Variants in EBF1 observed in about 807,000 individuals in gnomAD.
EBF1 encodes the protein transcription factor COE1.
Under a neutral mutation model 68.4 loss-of-function variants are expected in EBF1, and 10 were observed. That is an observed-to-expected ratio of 0.15 (90% CI 0.09 to 0.25). The LOEUF (loss-of-function observed/expected upper bound fraction) is 0.25, where lower values mean the gene tolerates loss of function less well. Among genes scored for constraint, EBF1 ranks in the 10% least tolerant of loss-of-function variants. The probability of loss-of-function intolerance (pLI) is 1.00; values close to 1 mark genes in which losing one functional copy is unlikely to be tolerated. For missense variants in EBF1, 509 were observed against 794.4 expected, an observed-to-expected ratio of 0.64 and a Z score of 4.32; for synonymous variants, 298 against 299.8, an observed-to-expected ratio of 0.99 and a Z score of 0.06.
In EBF1 at chr5:159,067,152, T is replaced by A. The variant is rs184985165; in HGVS notation, c.554+6244A>T. On this transcript the variant is annotated intron_variant, in intron 6 of 15. Transcript: ENST00000313708. ...ATGGAGAGTTACACTTGGAGAGAGT[T>A]TTTCCCCCCATTCTAAGCAACTTCT... Among the ~76,000 whole-genome samples, 15 of 152,012 alleles carry A rather than the reference T, an allele frequency of 9.9e-5. No individual in the cohort carries two copies. The East Asian group carries it at 2.7e-3, about 27-fold the overall frequency.
At chr5:158,943,839 C>T (rs1247066963) in intron 6 of EBF1, among the ~76,000 whole-genome samples, 1 of 152,192 alleles carries the variant, frequency 6.6e-6, no homozygotes, top group Non-Finnish European at 1.5e-5. Context: ...TTGGGTCAAT[C>T]AAGTGACTTA....
At position 159,097,972 on chromosome 5, in the gene EBF1, G is replaced by A. The variant is rs571686710; in HGVS notation, c.135-842C>T. ...AGAAGAACACACACGAGCGCCCCGC[G>A]CACACACTTTCACTTCCAGCCCAGT... is the stretch of plus-strand genomic sequence containing the variant. On this transcript the variant is annotated intron_variant, in intron 1 of 15. Coordinates refer to ENST00000313708, the MANE Select transcript of EBF1 (RefSeq NM_024007.5). 2.6e-5 allele frequency among the ~76,000 whole-genome samples: 4 copies of A among 152,286 alleles called. No individual in the cohort carries two copies. In the South Asian group the frequency reaches 8.3e-4, roughly 32 times the overall value.
intron 6 of EBF1, among the ~76,000 whole-genome samples, chr5:159,042,782 T>G (rs146062028): frequency 1.4e-4 from 21 of 152,230 alleles, no homozygotes; most frequent in African/African-American, 4.3e-4. Flanking sequence ...TGTTAAGTTC[T>G]GTAGAGTGTT....
intron 7 of EBF1, among the ~76,000 whole-genome samples, chr5:158,828,826 T>C (rs182217688): frequency 6.6e-6 from 1 of 152,122 alleles, no homozygotes; most frequent in Non-Finnish European, 1.5e-5. Context: ...AAACTGGTAA[T>C]CCATATAATA....
chr5:158,801,056 G>A (rs578035270), intron 8 of EBF1, among the ~76,000 whole-genome samples: 1 of 152,200 alleles, frequency 6.6e-6, no homozygotes, highest in South Asian at 2.1e-4. Context: ...GTTAGGGGGT[G>A]GGGTTTGCCT....
chr5:158,697,043 A>AAAGAC lies in EBF1; in HGVS notation c.*2063_*2067dup, dbSNP rs1267350956. The AAAGAC allele has an allele frequency of 1.1e-5, 2 of 188,932 alleles. No homozygotes were observed. Among genetic ancestry groups the AAAGAC allele is most frequent in the African/African-American group, 2.3e-5 (1 of 42,826 alleles). 11.7% of individuals were successfully genotyped at this position (188,932 alleles called of 1,614,324 possible). ...CAATCTGCTGGTTTATATTTATGTG[A>AAAGAC]AAGACAGAGGAAATATACAAGCAGA... On this transcript the variant is annotated 3_prime_UTR_variant, in exon 16 of 16. Transcript: ENST00000313708.
Position 158,707,961 on chromosome 5 carries a change from G to T in EBF1, c.1744+18C>A. On this transcript the variant is annotated intron_variant, in intron 15 of 15. Coordinates refer to ENST00000313708, the MANE Select transcript of EBF1 (RefSeq NM_024007.5). Reference sequence around the variant, plus strand: ...CAGGGCATTGAATCTGGATTGGCAGGTGGGGCCTGGGGCTTACCTTGCAGG... The same window carrying T: ...CAGGGCATTGAATCTGGATTGGCAGTTGGGGCCTGGGGCTTACCTTGCAGG... 1 of 1,545,158 alleles carries T rather than the reference G, an allele frequency of 6.5e-7. No homozygotes were observed. The highest frequency in any genetic ancestry group is 2.4e-5 in the East Asian group (1 of 40,890).
chr5:158,901,148 G>A (rs1346392046), intron 6 of EBF1, among the ~76,000 whole-genome samples: 4 of 152,188 alleles, frequency 2.6e-5, no homozygotes, highest in Non-Finnish European at 4.4e-5. Flanking sequence ...CCACATGGAT[G>A]TTATTCTTGC....
intron 11 of EBF1, among the ~76,000 whole-genome samples, chr5:158,725,135 G>A (rs1221391731): frequency 6.6e-6 from 1 of 152,174 alleles, no homozygotes; most frequent in Non-Finnish European, 1.5e-5. Context: ...AGAAGCTACC[G>A]TGAGGATTTG....
intron 6 of EBF1, among the ~76,000 whole-genome samples, chr5:158,970,392 G>A (rs1414129565): frequency 6.6e-6 from 1 of 151,984 alleles, no homozygotes; most frequent in African/African-American, 2.4e-5. Context: ...AGTCACCTGG[G>A]GAAATCATGT....
At chr5:158,727,278 C>T (rs1450260047) in intron 11 of EBF1, among the ~76,000 whole-genome samples, 6 of 152,216 alleles carry the variant, frequency 3.9e-5, no homozygotes, top group African/African-American at 1.2e-4. Context: ...CTCTCACTCA[C>T]TGCCTTAGGG....
intron 6 of EBF1, among the ~76,000 whole-genome samples, chr5:158,852,710 T>C (rs1793197408): frequency 6.6e-6 from 1 of 151,790 alleles, no homozygotes; most frequent in South Asian, 2.1e-4. Context: ...CAAAATAGAG[T>C]CTGACACTTT....
intron 8 of EBF1, among the ~76,000 whole-genome samples, chr5:158,799,629 G>A (rs780221687): frequency 3.9e-5 from 6 of 152,214 alleles, no homozygotes; most frequent in Non-Finnish European, 7.4e-5. Flanking sequence ...ACATACAAAC[G>A]AATGCAGCAG....
chr5:159,093,741 G>C (rs1322841479), intron 4 of EBF1, among the ~76,000 whole-genome samples: 2 of 152,020 alleles, frequency 1.3e-5, no homozygotes, highest in African/African-American at 4.8e-5. Flanking sequence ...TGACTAGAGA[G>C]ACTTAAAATA....
intron 6 of EBF1, among the ~76,000 whole-genome samples, chr5:159,050,087 A>G (rs1356745465): frequency 6.6e-6 from 1 of 152,196 alleles, no homozygotes; most frequent in Admixed American, 6.5e-5. Context: ...GAGTATGTCA[A>G]GAAAGTGGAT....
chr5:158,778,068 A>T lies in EBF1; in HGVS notation c.910-529T>A, dbSNP rs142380248. Among the ~76,000 whole-genome samples the T allele has an allele frequency of 4.6e-3, 699 of 152,182 alleles. 10 individuals are homozygous for T. Among genetic ancestry groups the T allele is most frequent in the African/African-American group, 0.016 (669 of 41,550 alleles). ...AAGAGCTTTACAGGGGAAAGCAAAG[A>T]ATCTGCCTCCCTGGAATAGCTTATG... is the stretch of plus-strand genomic sequence containing the variant. On this transcript the variant is annotated intron_variant, in intron 9 of 15. Coordinates refer to ENST00000313708, the MANE Select transcript of EBF1 (RefSeq NM_024007.5).
intron 4 of EBF1, among the ~76,000 whole-genome samples, chr5:159,093,486 C>A (rs1239669833): frequency 6.6e-6 from 1 of 152,096 alleles, no homozygotes; most frequent in African/African-American, 2.4e-5. Context: ...TAAAACTAAT[C>A]TTGTTCTTAT....
At chr5:158,856,457 C>T (rs1417334656) in intron 6 of EBF1, among the ~76,000 whole-genome samples, 1 of 152,168 alleles carries the variant, frequency 6.6e-6, no homozygotes, top group Non-Finnish European at 1.5e-5. Flanking sequence ...TGCCTGCACA[C>T]TCTAGTGGTG....
At chr5:158,814,955 T>A (rs187071950) in intron 8 of EBF1, among the ~76,000 whole-genome samples, 17 of 152,320 alleles carry the variant, frequency 1.1e-4, no homozygotes, top group Admixed American at 4.6e-4. Flanking sequence ...CCCCATTTTT[T>A]AAAAAGATAT....
Sources: allele counts gnomAD v4.1 joint callset (sites outside exome capture counted in the v4.1 genomes callset), GRCh38; gene constraint gnomAD v4.1.1; transcripts MANE v1.5; gene names NCBI Gene and HGNC (gene_info 2026-07-23, HGNC 2026-07-21).